PRKN: variants seen among roughly 807,000 people sequenced by gnomAD.
The protein encoded by PRKN is E3 ubiquitin-protein ligase parkin.
Under a neutral mutation model 59.5 loss-of-function variants are expected in PRKN, and 56 were observed. The ratio of observed to expected loss-of-function variants is 0.94; its 90% CI spans 0.76 to 1.18. The LOEUF (loss-of-function observed/expected upper bound fraction) is 1.18, where lower values mean the gene tolerates loss of function less well. PRKN is among the 50% of genes most tolerant of loss of function. The pLI, the probability that PRKN is intolerant of heterozygous loss-of-function variation, is 0.00. For missense variants in PRKN, 657 were observed against 596.4 expected, an observed-to-expected ratio of 1.10 and a Z score of -1.06; for synonymous variants, 250 against 222.1, an observed-to-expected ratio of 1.13 and a Z score of -1.12.
rs187528553 is a variant in PRKN at position 161,618,037 on chromosome 6, C to G, written c.872-48621G>C. 3.0e-3 allele frequency among the ~76,000 whole-genome samples: 464 copies of G among 152,344 alleles called. 2 individuals are homozygous for G. Among genetic ancestry groups the G allele is most frequent in the Non-Finnish European group, 5.1e-3 (344 of 68,024 alleles). ...ACCAAACGGGTGCTGTACCTCTCCA[C>G]TTCCACACTGAAGCTTGGAATTATG... On this transcript the variant is annotated intron_variant, in intron 7 of 11. Transcript: ENST00000366898.
intron 2 of PRKN, among the ~76,000 whole-genome samples, chr6:162,422,954 CA>C (rs61557917): frequency 0.25 from 16,226 of 65,538 alleles, 392 homozygotes; most frequent in African/African-American, 0.27. Context: ...TCCAAGAGAC[CA>C]AAAAAAAAAA....
At chr6:162,670,137 A>G (rs1234902389) in intron 1 of PRKN, among the ~76,000 whole-genome samples, 1 of 152,214 alleles carries the variant, frequency 6.6e-6, no homozygotes, top group Non-Finnish European at 1.5e-5. Context: ...ATGCAAGTAC[A>G]CACTCAGAAC....
chr6:162,720,752 T>C (rs539467381), intron 1 of PRKN, among the ~76,000 whole-genome samples: 18 of 151,962 alleles, frequency 1.2e-4, no homozygotes, highest in Non-Finnish European at 2.2e-4. Flanking sequence ...GCCCGGCCCA[T>C]AGATGGTCTT....
In PRKN at chr6:162,559,618, C is replaced by G. The variant is rs149398659; in HGVS notation, c.8-116145G>C. 5.6e-4 allele frequency among the ~76,000 whole-genome samples: 86 copies of G among 152,320 alleles called. 1 individual carries two copies. Among genetic ancestry groups the G allele is most frequent in the Non-Finnish European group, 1.2e-4 (8 of 68,026 alleles). On this transcript the variant is annotated intron_variant, in intron 1 of 11. Coordinates refer to ENST00000366898, the MANE Select transcript of PRKN (RefSeq NM_004562.3). ...ACTGGTAAAAGGGAAAGCCTTGTCT[C>G]TTAAAGACTTTCAGTTATAGAGGCT...
chr6:161,358,858 A>ATG (rs1784868549), intron 11 of PRKN, among the ~76,000 whole-genome samples: 1 of 131,610 alleles, frequency 7.6e-6, no homozygotes, highest in African/African-American at 2.9e-5. Context: ...GCAGTGGTGC[A>ATG]ATCTCGGCTC....
At chr6:161,616,644 G>A (rs1456425658) in intron 7 of PRKN, among the ~76,000 whole-genome samples, 3 of 151,818 alleles carry the variant, frequency 2.0e-5, no homozygotes, top group African/African-American at 2.4e-5. Flanking sequence ...TCCCACTTAC[G>A]AGTGAGAACA....
intron 9 of PRKN, among the ~76,000 whole-genome samples, chr6:161,541,527 A>C (rs1459502183): frequency 6.6e-6 from 1 of 152,236 alleles, no homozygotes; most frequent in Non-Finnish European, 1.5e-5. Context: ...ATTTTGAAAG[A>C]GTATAATTAT....
intron 1 of PRKN, among the ~76,000 whole-genome samples, chr6:162,613,074 T>C (rs1431849712): frequency 1.3e-5 from 2 of 152,216 alleles, no homozygotes; most frequent in Non-Finnish European, 2.9e-5. Context: ...GATACTATCA[T>C]TATTATTTCC....
chr6:162,340,159 AAGT>A (rs1383808798), intron 2 of PRKN, among the ~76,000 whole-genome samples: 7 of 151,436 alleles, frequency 4.6e-5, no homozygotes, highest in African/African-American at 1.7e-4. Flanking sequence ...AAAAAAAAAA[AAGT>A]AGTCTCTGAT....
chr6:162,371,398 A>G (rs1785759407), intron 2 of PRKN, among the ~76,000 whole-genome samples: 1 of 152,166 alleles, frequency 6.6e-6, no homozygotes, highest in Non-Finnish European at 1.5e-5. Flanking sequence ...TCTGACTGCC[A>G]ACACACACAG....
In PRKN at chr6:162,638,847, C is replaced by A. The variant is rs951461945; in HGVS notation, c.7+88815G>T. On this transcript the variant is annotated intron_variant, in intron 1 of 11. Transcript: ENST00000366898. ...GCAACCTCTGCCTCCCGGGTTCAAGCGATTCTCCTGCCTCGGCCTCCCAAA... is the reference window on the plus strand; with the variant it reads ...GCAACCTCTGCCTCCCGGGTTCAAGAGATTCTCCTGCCTCGGCCTCCCAAA... Among the ~76,000 whole-genome samples the A allele has an allele frequency of 8.7e-5, 13 of 148,790 alleles. 1 individual carries two copies. Among genetic ancestry groups the A allele is most frequent in the African/African-American group, 3.2e-4 (13 of 40,586 alleles).
At chr6:162,475,569 G>A (rs932564685) in intron 1 of PRKN, among the ~76,000 whole-genome samples, 1 of 129,144 alleles carries the variant, frequency 7.7e-6, no homozygotes, top group South Asian at 2.4e-4. Context: ...ATGCATGTGA[G>A]TGTGTGTGTG....
chr6:162,680,680 A>G (rs1779738392), intron 1 of PRKN, among the ~76,000 whole-genome samples: 2 of 152,160 alleles, frequency 1.3e-5, no homozygotes, highest in African/African-American at 4.8e-5. Flanking sequence ...TAAAACATAA[A>G]TTCACTAGTG....
At chr6:162,106,334 G>C (rs1780192308) in intron 4 of PRKN, among the ~76,000 whole-genome samples, 1 of 151,674 alleles carries the variant, frequency 6.6e-6, no homozygotes, top group African/African-American at 2.4e-5. Context: ...AAAGAACTAA[G>C]TGGAGAAACA....
chr6:161,511,771 T>C (rs1778401320), intron 9 of PRKN, among the ~76,000 whole-genome samples: 1 of 151,644 alleles, frequency 6.6e-6, no homozygotes, highest in South Asian at 2.1e-4. Context: ...CGATCCAGAC[T>C]GCAAGTTGCC....
intron 6 of PRKN, among the ~76,000 whole-genome samples, chr6:161,877,045 T>C (rs891483329): frequency 2.0e-5 from 3 of 152,190 alleles, no homozygotes; most frequent in Non-Finnish European, 4.4e-5. Context: ...AAAGGATATA[T>C]TGACCATCAC....
At chr6:162,138,913 A>G (rs1781661038) in intron 4 of PRKN, among the ~76,000 whole-genome samples, 1 of 152,184 alleles carries the variant, frequency 6.6e-6, no homozygotes, top group Non-Finnish European at 1.5e-5. Flanking sequence ...CCAACACAGG[A>G]GAAATTGGTG....
chr6:162,372,234 C>G (rs556540120), intron 2 of PRKN, among the ~76,000 whole-genome samples: 1 of 152,192 alleles, frequency 6.6e-6, no homozygotes, highest in African/African-American at 2.4e-5. Context: ...AGAGATTTGA[C>G]GGAAGTCAGT....
chr6:161,454,732 T>C lies in PRKN; in HGVS notation c.1084-67855A>G, dbSNP rs905900470. Among the ~76,000 whole-genome samples the C allele has an allele frequency of 1.3e-5, 2 of 152,190 alleles. No homozygotes were observed. The highest frequency in any genetic ancestry group is 6.5e-5 in the Admixed American group (1 of 15,282). The stretch of plus-strand genomic sequence containing the variant: ...TTAGGGCTACTGAAGTCCCATTAGG[T>C]TGACTACTTTCTGGAGGCCAATTGC... On this transcript the variant is annotated intron_variant, in intron 9 of 11. Coordinates refer to ENST00000366898, the MANE Select transcript of PRKN (RefSeq NM_004562.3). The surrounding 1 kb of genome is among the most constrained non-coding windows in gnomAD (Gnocchi z 4.6).
Sources: allele counts gnomAD v4.1 joint callset (sites outside exome capture counted in the v4.1 genomes callset), GRCh38; gene constraint gnomAD v4.1.1; non-coding constraint Gnocchi (gnomAD v3.1); transcripts MANE v1.5; gene names NCBI Gene and HGNC (gene_info 2026-07-23, HGNC 2026-07-21).